Variants in KHDRBS2 observed in about 807,000 individuals in gnomAD.
KHDRBS2 encodes the protein KH RNA binding domain containing, signal transduction associated 2.
A neutral mutation model predicts 44.3 loss-of-function variants in KHDRBS2; 26 were observed. The ratio of observed to expected loss-of-function variants is 0.59; its 90% CI spans 0.43 to 0.81. The LOEUF is 0.81. Ranked by LOEUF, KHDRBS2 falls within the 40% of genes least tolerant of loss-of-function variation. The probability of loss-of-function intolerance (pLI) is 0.00; values close to 1 mark genes in which losing one functional copy is unlikely to be tolerated. For missense variants in KHDRBS2, 476 were observed against 433.1 expected (o/e 1.10, Z -0.88); for synonymous variants, 194 against 151.1 (o/e 1.28, Z -2.08).
chr6:62,083,122 G>GCCTGC (rs1410686295), intron 2 of KHDRBS2, among the ~76,000 whole-genome samples: 1 of 152,020 alleles, frequency 6.6e-6, no homozygotes, highest in Non-Finnish European at 1.5e-5. Flanking sequence ...AATGACCCTG[G>GCCTGC]CCTGCCCTGC....
chr6:62,120,239 T>C (rs540844958), intron 2 of KHDRBS2, among the ~76,000 whole-genome samples: 5 of 152,252 alleles, frequency 3.3e-5, no homozygotes, highest in Admixed American at 2.0e-4. Context: ...CTTGGTTTAA[T>C]GTAGAGGAAG....
chr6:61,805,601 T>C (rs1398829123), intron 6 of KHDRBS2, among the ~76,000 whole-genome samples: 1 of 152,184 alleles, frequency 6.6e-6, no homozygotes, highest in Non-Finnish European at 1.5e-5. Flanking sequence ...AGAGACTTAA[T>C]TGACTCACAG....
intron 1 of KHDRBS2, among the ~76,000 whole-genome samples, chr6:62,185,010 C>T (rs1290843592): frequency 6.6e-6 from 1 of 151,870 alleles, no homozygotes; most frequent in East Asian, 1.9e-4. Context: ...ATCTTTGTCA[C>T]CTGCTGGCTA....
intron 7 of KHDRBS2, among the ~76,000 whole-genome samples, chr6:61,700,475 A>C (rs1768474803): frequency 6.6e-6 from 1 of 150,834 alleles, no homozygotes; most frequent in South Asian, 2.1e-4. Flanking sequence ...ATGTATAATA[A>C]TCAAAATGGA....
chr6:61,588,643 C>T, the KHDRBS2 span, among the ~76,000 whole-genome samples: 1 of 152,026 alleles, frequency 6.6e-6, no homozygotes, highest in African/African-American at 2.4e-5. Context: ...CCAAAATTAG[C>T]TGGACATACA....
chr6:61,959,550 G>A (rs1214842111), intron 4 of KHDRBS2, among the ~76,000 whole-genome samples: 1 of 152,054 alleles, frequency 6.6e-6, no homozygotes, highest in African/African-American at 2.4e-5. Flanking sequence ...AATTGGAAAA[G>A]TTAATAGGTA....
At chr6:61,618,573 T>C in the KHDRBS2 span, among the ~76,000 whole-genome samples, 4 of 152,186 alleles carry the variant, frequency 2.6e-5, no homozygotes, top group African/African-American at 9.6e-5. Flanking sequence ...ATCTCCCAGG[T>C]ATTACACCTT....
At chr6:61,617,410 T>G in the KHDRBS2 span, among the ~76,000 whole-genome samples, 2 of 143,138 alleles carry the variant, frequency 1.4e-5, no homozygotes, top group Non-Finnish European at 3.1e-5. Flanking sequence ...TATCATCTTA[T>G]TTTGATTATC....
intron 1 of KHDRBS2, among the ~76,000 whole-genome samples, chr6:62,280,695 G>A (rs1841671607): frequency 6.6e-6 from 1 of 152,164 alleles, no homozygotes; most frequent in Non-Finnish European, 1.5e-5. Context: ...CAATATTTGT[G>A]GCAAGTGAAA....
At chr6:62,267,337 T>C (rs1029965693) in intron 1 of KHDRBS2, among the ~76,000 whole-genome samples, 19 of 152,056 alleles carry the variant, frequency 1.2e-4, no homozygotes, top group Non-Finnish European at 2.8e-4. Flanking sequence ...AAAGTTTACA[T>C]GTCCTCTATA....
intron 6 of KHDRBS2, among the ~76,000 whole-genome samples, chr6:61,849,315 T>C (rs1458776287): frequency 1.3e-5 from 2 of 152,114 alleles, no homozygotes; most frequent in African/African-American, 4.8e-5. Flanking sequence ...CCTGTGATAT[T>C]TGTCTGAGAG....
At chr6:62,015,115 C>T (rs1299881753) in intron 3 of KHDRBS2, among the ~76,000 whole-genome samples, 1 of 152,060 alleles carries the variant, frequency 6.6e-6, no homozygotes, top group Non-Finnish European at 1.5e-5. Flanking sequence ...TAATTGTTAT[C>T]TCTTTTTTCA....
chr6:62,255,513 C>T (rs1371657967), intron 1 of KHDRBS2, among the ~76,000 whole-genome samples: 1 of 144,284 alleles, frequency 6.9e-6, no homozygotes, highest in Admixed American at 6.8e-5. Context: ...AGCAGGGAGT[C>T]GAACTCTCAC....
At chr6:62,190,940 C>T (rs778103955) in intron 1 of KHDRBS2, among the ~76,000 whole-genome samples, 36 of 152,070 alleles carry the variant, frequency 2.4e-4, no homozygotes, top group Non-Finnish European at 4.7e-4. Flanking sequence ...TTCACTTTCC[C>T]ATCATTCTCA....
chr6:61,733,996 A>G (rs1774919538), intron 6 of KHDRBS2, among the ~76,000 whole-genome samples: 1 of 152,162 alleles, frequency 6.6e-6, no homozygotes, highest in Non-Finnish European at 1.5e-5. Flanking sequence ...CAGGAGTTTC[A>G]GCAGAAAATA....
chr6:61,699,753 C>A (rs186863872), intron 7 of KHDRBS2, among the ~76,000 whole-genome samples: 13 of 152,096 alleles, frequency 8.5e-5, no homozygotes, highest in Non-Finnish European at 1.5e-4. Flanking sequence ...CTTTGGTCAT[C>A]CTTATCTTCC....
At chr6:62,194,634 G>A (rs1825296999) in intron 1 of KHDRBS2, among the ~76,000 whole-genome samples, 1 of 150,448 alleles carries the variant, frequency 6.6e-6, no homozygotes, top group Admixed American at 6.6e-5. Context: ...CAAGAAACTG[G>A]GATTAAAGTT....
chr6:62,156,838 ATTTTT>A (rs34408265), intron 2 of KHDRBS2, among the ~76,000 whole-genome samples: 10 of 124,004 alleles, frequency 8.1e-5, no homozygotes, highest in African/African-American at 2.1e-4. Context: ...CGCCCGGCTA[ATTTTT>A]TTTTTTTTTT....
the KHDRBS2 span, among the ~76,000 whole-genome samples, chr6:61,576,040 A>T: frequency 6.6e-6 from 1 of 152,122 alleles, no homozygotes; most frequent in Non-Finnish European, 1.5e-5. Context: ...AAAATATTGG[A>T]AATTACCACT....
Sources: gnomAD v4.1 joint callset for allele counts (sites outside exome capture counted in the v4.1 genomes callset) on GRCh38, gnomAD v4.1.1 for gene constraint, MANE v1.5 for transcripts, NCBI Gene and HGNC (gene_info 2026-07-23, HGNC 2026-07-21) for gene names.